Variants in MEGF10 observed in about 807,000 individuals in gnomAD.
The protein encoded by MEGF10 is multiple EGF like domains 10.
In MEGF10, 86 loss-of-function variants were observed where a neutral mutation model predicts 147.5. The observed-to-expected ratio is 0.58, with a 90% CI of 0.49 to 0.70. MEGF10 has a LOEUF of 0.70. Among genes scored for constraint, MEGF10 ranks in the 30% least tolerant of loss-of-function variants. The probability of loss-of-function intolerance (pLI) is 0.00; values close to 1 mark genes in which losing one functional copy is unlikely to be tolerated. For missense variants in MEGF10, 1,329 were observed against 1,487.3 expected (o/e 0.89, Z 1.75); for synonymous variants, 478 against 525.5 (o/e 0.91, Z 1.24).
intron 7 of MEGF10, 102 bp downstream of exon 7, chr5:127,398,898 C>T (rs1764026626): frequency 6.7e-7 from 1 of 1,501,156 alleles, no homozygotes; most frequent in Non-Finnish European, 9.1e-7. Flanking sequence ...AGGAAAGTTA[C>T]CATGATGGTT....
intron 17 of MEGF10, among the ~76,000 whole-genome samples, chr5:127,440,278 A>G (rs2127014612): frequency 6.6e-6 from 1 of 152,240 alleles, no homozygotes; most frequent in East Asian, 1.9e-4. Context: ...ATAATAACAG[A>G]TACAGTGGAC....
chr5:127,457,039 T>G, intron 24 of MEGF10, 89 bp from the exon 25 acceptor site: 2 of 1,276,674 alleles, frequency 1.6e-6, no homozygotes, highest in Admixed American at 2.6e-5. Flanking sequence ...AAAAGTCCCT[T>G]TGGTGTGTTT....
At chr5:127,433,635 G>T in intron 14 of MEGF10, 126 bp downstream of exon 14, 1 of 1,162,544 alleles carries the variant, frequency 8.6e-7, no homozygotes, top group Non-Finnish European at 1.2e-6. Context: ...AAAAGAGAGT[G>T]TAATGGTTCA....
intron 1 of MEGF10, among the ~76,000 whole-genome samples, chr5:127,295,271 G>A (rs1759444192): frequency 1.3e-5 from 2 of 152,268 alleles, no homozygotes; most frequent in Admixed American, 6.5e-5. Context: ...TTTAGACACA[G>A]CATTCAGTGT....
At chr5:127,299,169 A>G (rs996599275) in intron 1 of MEGF10, among the ~76,000 whole-genome samples, 1 of 152,214 alleles carries the variant, frequency 6.6e-6, no homozygotes, top group Non-Finnish European at 1.5e-5. Flanking sequence ...TTTAAAAAAT[A>G]AAAAAGCCTC....
chr5:127,234,525 C>T, the MEGF10 span, among the ~76,000 whole-genome samples: 3 of 152,154 alleles, frequency 2.0e-5, no homozygotes, highest in Non-Finnish European at 2.9e-5. Context: ...CAAATTTTAG[C>T]GAACATAAAT....
At chr5:127,382,275 A>G (rs1428945304) in intron 5 of MEGF10, among the ~76,000 whole-genome samples, 1 of 152,226 alleles carries the variant, frequency 6.6e-6, no homozygotes, top group Non-Finnish European at 1.5e-5. Context: ...TCCTAGTTAT[A>G]TAGACTATTC....
chr5:127,351,019 G>A (rs533579004), intron 4 of MEGF10, among the ~76,000 whole-genome samples: 1 of 151,894 alleles, frequency 6.6e-6, no homozygotes, highest in East Asian at 1.9e-4. Context: ...GTGGGGTAGG[G>A]GGAAAATGGG....
intron 4 of MEGF10, among the ~76,000 whole-genome samples, chr5:127,361,338 G>T (rs1018879442): frequency 6.6e-6 from 1 of 151,658 alleles, no homozygotes; most frequent in Non-Finnish European, 1.5e-5. Context: ...ACATTTACCT[G>T]TAAAAAAATC....
chr5:127,256,093 T>C, the MEGF10 span, among the ~76,000 whole-genome samples: 1 of 152,190 alleles, frequency 6.6e-6, no homozygotes, highest in African/African-American at 2.4e-5. Flanking sequence ...AACCAAAGCC[T>C]GGAAGCCTCT....
intron 8 of MEGF10, among the ~76,000 whole-genome samples, chr5:127,407,489 A>G (rs1389725499): frequency 6.6e-6 from 1 of 152,200 alleles, no homozygotes; most frequent in East Asian, 1.9e-4. Flanking sequence ...TTAATACTTT[A>G]TCTCTACTTA....
chr5:127,286,385 C>A (rs1034042435), upstream of MEGF10, among the ~76,000 whole-genome samples: 3 of 152,002 alleles, frequency 2.0e-5, no homozygotes, highest in Non-Finnish European at 2.9e-5. Flanking sequence ...TTGTAACATA[C>A]TCTATGCATG....
intron 2 of MEGF10, among the ~76,000 whole-genome samples, chr5:127,336,652 C>G (rs1211823627): frequency 6.6e-6 from 1 of 152,044 alleles, no homozygotes; most frequent in Non-Finnish European, 1.5e-5. Flanking sequence ...TTTTGCACTC[C>G]AAGGCACACG....
intron 8 of MEGF10, 91 bp downstream of exon 8, chr5:127,402,773 C>A: frequency 7.6e-7 from 1 of 1,320,176 alleles, no homozygotes; most frequent in South Asian, 1.6e-5. Context: ...TACCATGTGT[C>A]CATGACTCTT....
At chr5:127,300,741 G>C (rs1186904955) in intron 1 of MEGF10, among the ~76,000 whole-genome samples, 1 of 152,208 alleles carries the variant, frequency 6.6e-6, no homozygotes, top group African/African-American at 2.4e-5. Flanking sequence ...AGGGCCTAGA[G>C]CTTTAAATAC....
At chr5:127,383,774 A>G (rs1763335350) in intron 5 of MEGF10, among the ~76,000 whole-genome samples, 1 of 152,212 alleles carries the variant, frequency 6.6e-6, no homozygotes, top group Admixed American at 6.5e-5. Context: ...TACAATGTTC[A>G]TAAACAGTTA....
At chr5:127,414,058 T>G (rs1764667680) in intron 9 of MEGF10, among the ~76,000 whole-genome samples, 1 of 152,250 alleles carries the variant, frequency 6.6e-6, no homozygotes, top group South Asian at 2.1e-4. Flanking sequence ...AATCTATCAC[T>G]TGAAATATTT....
intron 5 of MEGF10, among the ~76,000 whole-genome samples, chr5:127,391,102 G>GCGTGCGCGCGCACA (rs1426600414): frequency 1.9e-5 from 1 of 53,894 alleles, no homozygotes; most frequent in Non-Finnish European, 5.0e-5. Context: ...GCGCGCGCGC[G>GCGTGCGCGCGCACA]CACACACACA....
At chr5:127,295,395 A>C (rs1388215166) in intron 1 of MEGF10, among the ~76,000 whole-genome samples, 6 of 152,238 alleles carry the variant, frequency 3.9e-5, no homozygotes, top group Non-Finnish European at 8.8e-5. Flanking sequence ...ATTCAGATGA[A>C]AAGATTTGCC....
Sources: gnomAD v4.1 joint callset for allele counts (sites outside exome capture counted in the v4.1 genomes callset) on GRCh38, gnomAD v4.1.1 for gene constraint, MANE v1.5 for transcripts, NCBI Gene and HGNC (gene_info 2026-07-23, HGNC 2026-07-21) for gene names.